The following MBOAT2 variants were observed in gnomAD, a reference collection of about 807,000 sequenced individuals.
MBOAT2 encodes the protein membrane bound glycerophospholipid O-acyltransferase 2.
MBOAT2 carries 28 observed loss-of-function variants against 63.4 expected under a neutral mutation model. The ratio of observed to expected loss-of-function variants is 0.44; its 90% confidence interval spans 0.33 to 0.61. MBOAT2 has a LOEUF of 0.61. Ranked by LOEUF, MBOAT2 falls within the 20% of genes least tolerant of loss-of-function variation. The pLI, the probability that MBOAT2 is intolerant of heterozygous loss-of-function variation, is 0.03. For missense variants in MBOAT2, 470 were observed against 605.8 expected (o/e 0.78, Z 2.35); for synonymous variants, 211 against 215.6 (o/e 0.98, Z 0.19).
At chr2:8,951,180 A>G (rs951459257) in intron 2 of MBOAT2, among the ~76,000 whole-genome samples, 11 of 149,702 alleles carry the variant, frequency 7.3e-5, no homozygotes, top group Admixed American at 2.0e-4. Flanking sequence ...TTTTTTTGTA[A>G]TACTTTCAGT....
rs1660949049 is a variant in MBOAT2, at chr2:8,854,356, A to G, written c.*4323T>C. On this transcript the variant is annotated 3_prime_UTR_variant, in exon 13 of 13. Transcript: ENST00000305997. ...ACGACCAGCCACTCATTAAATGCAC[A>G]CTGGGTTAAATGCAGCAGTTTTATA... 6.6e-6 allele frequency: 1 copy of G among 152,228 alleles called. No individual in the cohort carries two copies. The highest frequency in any genetic ancestry group is 2.4e-5 in the African/African-American group (1 of 41,466). The allele number at this position is 152,228 out of a possible 1,614,324, so 9.4% of individuals were successfully genotyped here.
intron 1 of MBOAT2, among the ~76,000 whole-genome samples, chr2:9,002,232 G>A (rs1672743976): frequency 1.3e-5 from 2 of 152,206 alleles, no homozygotes; most frequent in Non-Finnish European, 2.9e-5. Flanking sequence ...AGACAGGTGG[G>A]GGATAGGTAC....
chr2:8,975,797 C>T (rs868245401), intron 1 of MBOAT2, among the ~76,000 whole-genome samples: 1 of 60,704 alleles, frequency 1.6e-5, no homozygotes, highest in Non-Finnish European at 3.9e-5. Flanking sequence ...ATGAACAATA[C>T]AAAAAAAAAA....
intron 12 of MBOAT2, among the ~76,000 whole-genome samples, chr2:8,859,562 C>T (rs890493651): frequency 6.6e-6 from 1 of 152,172 alleles, no homozygotes; most frequent in African/African-American, 2.4e-5. Flanking sequence ...TAAACATGTA[C>T]TAATTTTGTT....
intron 5 of MBOAT2, among the ~76,000 whole-genome samples, chr2:8,882,990 A>G (rs1022882366): frequency 6.6e-6 from 1 of 152,184 alleles, no homozygotes; most frequent in African/African-American, 2.4e-5. Flanking sequence ...CATGACTCCA[A>G]TGCATGAAAA....
chr2:8,985,760 C>T (rs916768206), intron 1 of MBOAT2, among the ~76,000 whole-genome samples: 1 of 152,122 alleles, frequency 6.6e-6, no homozygotes, highest in Non-Finnish European at 1.5e-5. Context: ...CCACCATCAC[C>T]GAGCCTAGAC....
chr2:8,898,582 C>A (rs1664661959), intron 4 of MBOAT2, among the ~76,000 whole-genome samples: 1 of 152,240 alleles, frequency 6.6e-6, no homozygotes, highest in African/African-American at 2.4e-5. Flanking sequence ...GGCTTCTGAA[C>A]TGGTGGCCAA....
At chr2:8,972,098 C>A (rs932458562) in intron 1 of MBOAT2, among the ~76,000 whole-genome samples, 4 of 152,192 alleles carry the variant, frequency 2.6e-5, no homozygotes, top group African/African-American at 9.7e-5. Context: ...GGAGGCATCA[C>A]GCTACCTGAC....
Position 8,862,360 on chromosome 2 carries a change from C to A in MBOAT2, c.1185+230G>T. 1 of 1,442,638 alleles carries A rather than the reference C, an allele frequency of 6.9e-7. No homozygotes were observed. The highest frequency in any genetic ancestry group is 1.4e-5 in the African/African-American group (1 of 70,920). The allele number at this position is 1,442,638 out of a possible 1,614,324, so 89.4% of individuals were successfully genotyped here. ...AGTAACATTTTGTGAGTGCCTCCTA[C>A]CTGCCGGGCACATAGAAACGTGTTT... On this transcript the variant is annotated intron_variant, in intron 11 of 12. Coordinates refer to ENST00000305997, the MANE Select transcript of MBOAT2 (RefSeq NM_138799.4). The surrounding 1 kb of genome is among the most constrained non-coding windows in gnomAD (Gnocchi z 4.3).
At chr2:8,912,446 A>G (rs1439900475) in intron 3 of MBOAT2, among the ~76,000 whole-genome samples, 1 of 151,990 alleles carries the variant, frequency 6.6e-6, no homozygotes, top group Non-Finnish European at 1.5e-5. Flanking sequence ...AACCCTAAGG[A>G]CTCCTCCAGA....
chr2:8,879,998 T>C (rs1419012136), intron 6 of MBOAT2, among the ~76,000 whole-genome samples: 2 of 152,116 alleles, frequency 1.3e-5, no homozygotes, highest in African/African-American at 4.8e-5. Context: ...GGTCGAGCTC[T>C]GGGCTCTTCC....
intron 4 of MBOAT2, among the ~76,000 whole-genome samples, chr2:8,890,374 A>G (rs1663903202): frequency 6.6e-6 from 1 of 152,022 alleles, no homozygotes; most frequent in East Asian, 1.9e-4. Context: ...TTTCACATTC[A>G]TAGTTGTTTT....
chr2:8,886,350 T>C lies in MBOAT2; in HGVS notation c.451+1668A>G, dbSNP rs145514166. 7.2e-5 allele frequency among the ~76,000 whole-genome samples: 11 copies of C among 152,366 alleles called. No homozygotes were observed. In the East Asian group the frequency reaches 1.9e-3, roughly 27 times the overall value. On this transcript the variant is annotated intron_variant, in intron 5 of 12. Transcript: ENST00000305997. ...GGAATCTTTTCACTGTAATAAATGT[T>C]AGCCTTGAATTCAACTACATGCTCA...
rs953900376 is a variant in MBOAT2, at chr2:8,860,797, C to A, written c.1186-33G>T. Reference sequence around the variant, plus strand: ...AAAGAAACAAAAACATTTGCTGTATCTTTAAATTAACATTACTTATGCAGT... The same window carrying A: ...AAAGAAACAAAAACATTTGCTGTATATTTAAATTAACATTACTTATGCAGT... On this transcript the variant is annotated intron_variant, in intron 11 of 12. Transcript: ENST00000305997. 3 of 1,502,592 alleles carry A rather than the reference C, an allele frequency of 2.0e-6. No individual in the cohort carries two copies. The African/African-American group carries it at 4.2e-5, about 21-fold the overall frequency. The allele number at this position is 1,502,592 out of a possible 1,614,324, so 93.1% of individuals were successfully genotyped here.
intron 2 of MBOAT2, among the ~76,000 whole-genome samples, chr2:8,950,833 GT>G (rs960295081): frequency 9.2e-5 from 14 of 151,930 alleles, no homozygotes; most frequent in African/African-American, 3.4e-4. Context: ...TTTCCTAAGA[GT>G]TTTTTTTATC....
chr2:8,873,667 T>C (rs1048746597), intron 7 of MBOAT2, among the ~76,000 whole-genome samples: 2 of 152,204 alleles, frequency 1.3e-5, no homozygotes, highest in Non-Finnish European at 2.9e-5. Context: ...TATATGGATA[T>C]ATATATTTTT....
intron 1 of MBOAT2, among the ~76,000 whole-genome samples, chr2:8,968,946 A>G (rs2103303641): frequency 6.6e-6 from 1 of 152,352 alleles, no homozygotes; most frequent in African/African-American, 2.4e-5. Context: ...CCAAGTGGAA[A>G]AACACTCTGC....
At chr2:8,949,924 T>C (rs1304163834) in intron 2 of MBOAT2, among the ~76,000 whole-genome samples, 1 of 152,224 alleles carries the variant, frequency 6.6e-6, no homozygotes, top group Non-Finnish European at 1.5e-5. Context: ...ATGGCCATTT[T>C]AGTGGCATTG....
intron 5 of MBOAT2, among the ~76,000 whole-genome samples, chr2:8,887,286 AGT>A (rs1476612306): frequency 6.6e-6 from 1 of 152,140 alleles, no homozygotes; most frequent in African/African-American, 2.4e-5. Context: ...CAAAAAACTA[AGT>A]GTTAATTTTG....
Sources: allele counts gnomAD v4.1 joint callset (sites outside exome capture counted in the v4.1 genomes callset), GRCh38; gene constraint gnomAD v4.1.1; non-coding constraint Gnocchi (gnomAD v3.1); transcripts MANE v1.5; gene names NCBI Gene and HGNC (gene_info 2026-07-23, HGNC 2026-07-21).